DNAH9: variants seen among roughly 807,000 people sequenced by gnomAD.
DNAH9 encodes the protein dynein axonemal heavy chain 9.
DNAH9 carries 345 observed loss-of-function variants against 471.6 expected under a neutral mutation model. That is an observed-to-expected ratio of 0.73 (90% CI 0.67 to 0.80). The LOEUF is 0.80. DNAH9 is among the 30% of genes least tolerant of loss of function. The pLI is 0.00. For synonymous variants in DNAH9, 2,093 were observed against 2,123.6 expected (o/e 0.99, Z 0.40); for missense variants, 5,407 against 5,609.2 (o/e 0.96, Z 1.15).
intron 42 of DNAH9, among the ~76,000 whole-genome samples, chr17:11,794,167 C>A (rs1969163644): frequency 6.6e-6 from 1 of 151,560 alleles, no homozygotes; most frequent in African/African-American, 2.4e-5. Flanking sequence ...GCCTCAGCCT[C>A]CCGAGTAGCT....
rs188721046 is a variant in DNAH9 at position 11,796,757 on chromosome 17, A to C, written c.8224-840A>C. On this transcript the variant is annotated intron_variant, in intron 42 of 68. Coordinates refer to ENST00000262442, the MANE Select transcript of DNAH9 (RefSeq NM_001372.4). ...TCTTTCTCGGACTTTTCTCCTCGAC[A>C]ACCTTTCCTCTATCTCAAGTCTCAG... Among the ~76,000 whole-genome samples, 298 of 152,286 alleles carry C rather than the reference A, an allele frequency of 2.0e-3. 2 individuals are homozygous for C. Among genetic ancestry groups the C allele is most frequent in the African/African-American group, 6.8e-3 (282 of 41,556 alleles).
chr17:11,951,916 C>CCAT (rs1189673793), intron 67 of DNAH9, among the ~76,000 whole-genome samples: 4 of 146,082 alleles, frequency 2.7e-5, no homozygotes, highest in South Asian at 2.2e-4. Context: ...CAGCAAAACT[C>CCAT]CATCTCAAAA....
chr17:11,942,342 G>A lies in DNAH9; in HGVS notation c.12700G>A (p.Asp4234Asn). The A allele has an allele frequency of 1.2e-6, 2 of 1,614,210 alleles. No homozygotes were observed. The highest frequency in any genetic ancestry group is 1.7e-6 in the Non-Finnish European group (2 of 1,180,018). ...GGAAGAAATATTGGAGCGGGTGACA[G>A]ACGAGTTTAACATCCCAGAACTGAT... ...LLEEILERVT[D>N]EFNIPELMAK... The change falls in exon 67 of 69, where the codon GAC (aspartate) becomes AAC (asparagine). Residue 4234 changes from aspartate (D) to asparagine (N), a missense_variant. Asp to Asn is a conservative substitution (Grantham distance 23, BLOSUM62 1). Transcript: ENST00000262442.
At chr17:11,787,313 AAAACTCAGTGATT>A (rs1314687124) in intron 41 of DNAH9, among the ~76,000 whole-genome samples, 1 of 152,236 alleles carries the variant, frequency 6.6e-6, no homozygotes, top group Non-Finnish European at 1.5e-5. Flanking sequence ...GCAATTGGGC[AAAACTCAGTGATT>A]GGCACAAGAG....
intron 1 of DNAH9, 114 bp downstream of exon 1, chr17:11,599,029 C>A: frequency 4.4e-6 from 4 of 906,060 alleles, no homozygotes; most frequent in Non-Finnish European, 6.2e-6. Context: ...AGGGGAGGTC[C>A]AAGAGGCGGA....
intron 52 of DNAH9, 103 bp from the exon 53 acceptor site, chr17:11,874,846 T>A: frequency 1.2e-6 from 1 of 822,498 alleles, no homozygotes; most frequent in Non-Finnish European, 2.0e-6. Context: ...GATGTTGATC[T>A]TGCTTTTAAA....
At chr17:11,852,851 T>TATAA (rs1971476751) in intron 49 of DNAH9, among the ~76,000 whole-genome samples, 7 of 137,794 alleles carry the variant, frequency 5.1e-5, no homozygotes, top group Non-Finnish European at 9.3e-5. Flanking sequence ...TATATATATA[T>TATAA]ATATATATAT....
At chr17:11,684,829 C>A (rs2074209668) in intron 19 of DNAH9, among the ~76,000 whole-genome samples, 1 of 152,184 alleles carries the variant, frequency 6.6e-6, no homozygotes. Flanking sequence ...GAAAGAAGGG[C>A]TTTTGACCTT....
chr17:11,680,955 T>C, intron 19 of DNAH9, 66 bp downstream of exon 19: 1 of 1,412,318 alleles, frequency 7.1e-7, no homozygotes, highest in African/African-American at 1.4e-5. Context: ...TGGATAATCT[T>C]TTTGTGGGGC....
At chr17:11,704,612 T>C (rs2074667026) in intron 25 of DNAH9, among the ~76,000 whole-genome samples, 170 bp downstream of exon 25, 1 of 151,324 alleles carries the variant, frequency 6.6e-6, no homozygotes, top group South Asian at 2.1e-4. Flanking sequence ...AGATTGAGTT[T>C]CGCTCTTATT....
chr17:11,668,410 T>A (rs2150726211), intron 15 of DNAH9, among the ~76,000 whole-genome samples: 1 of 152,240 alleles, frequency 6.6e-6, no homozygotes, highest in African/African-American at 2.4e-5. Flanking sequence ...CTCATGCCTG[T>A]AATCTCAGCA....
In DNAH9 at chr17:11,652,991, G is replaced by A. The variant is rs191974505; in HGVS notation, c.2584G>A (p.Ala862Thr). Residue 862 changes from alanine to threonine, a missense_variant, in exon 14 of 69, where the codon GCC (alanine) becomes ACC (threonine). This residue lies in a region of DNAH9 where 4,636 missense variants were observed against 4,900.3 expected (regional missense o/e 0.95). Coordinates refer to ENST00000262442, the MANE Select transcript of DNAH9 (RefSeq NM_001372.4). ...CAAGGAATCTGGCCTTAAGATCCAC[G>A]CCCTTGTTCAGGTAATAACCCAGCC... ...LIKESGLKIHALVQENLGLFS... is the reference protein window; with the variant it reads ...LIKESGLKIHTLVQENLGLFS... 8.1e-6 allele frequency: 13 copies of A among 1,613,584 alleles called. No individual in the cohort carries two copies. Among genetic ancestry groups the A allele is most frequent in the South Asian group, 1.1e-5 (1 of 91,086 alleles).
At chr17:11,840,530 G>C (rs1970997597) in intron 49 of DNAH9, among the ~76,000 whole-genome samples, 1 of 152,154 alleles carries the variant, frequency 6.6e-6, no homozygotes, top group Admixed American at 6.5e-5. Context: ...TTGCTTGACA[G>C]AACAACATGG....
At chr17:11,858,116 T>C (rs1246731620) in intron 50 of DNAH9, among the ~76,000 whole-genome samples, 2 of 152,230 alleles carry the variant, frequency 1.3e-5, no homozygotes, top group African/African-American at 2.4e-5. Flanking sequence ...TTTTGTCTAA[T>C]CTACATTTTC....
chr17:11,745,529 C>T (rs545918549), intron 31 of DNAH9, among the ~76,000 whole-genome samples: 10 of 152,290 alleles, frequency 6.6e-5, no homozygotes, highest in South Asian at 4.1e-4. Context: ...CTTATTTAAC[C>T]TTGAGGCTTA....
At chr17:11,650,080 T>G (rs528941237) in intron 12 of DNAH9, among the ~76,000 whole-genome samples, 1 of 152,330 alleles carries the variant, frequency 6.6e-6, no homozygotes, top group Non-Finnish European at 1.5e-5. Flanking sequence ...TCTTTTCACT[T>G]TTTACAGTTA....
chr17:11,698,293 ATATAT>A lies in DNAH9; in HGVS notation c.4873-1435_4873-1431del, dbSNP rs1444005275. Among the ~76,000 whole-genome samples the A allele has an allele frequency of 5.2e-5, 7 of 135,104 alleles. No homozygotes were observed. The East Asian group carries it at 6.0e-4, about 12-fold the overall frequency. The allele number at this position is 135,104 out of a possible 152,430, so 88.6% of individuals were successfully genotyped here. A position where few individuals can be genotyped will look rare whatever the true frequency, so the allele number is the denominator to read the frequency against. ...TATAATATATTATATATTAATAATTATATATTAGATTAGATAGAAAATAATAATAT... is the reference window on the plus strand; with the variant it reads ...TATAATATATTATATATTAATAATTATAGATTAGATAGAAAATAATAATAT... On this transcript the variant is annotated intron_variant, in intron 22 of 68. Transcript: ENST00000262442.
chr17:11,635,813 A>G (rs976414756), intron 8 of DNAH9, among the ~76,000 whole-genome samples: 1 of 152,126 alleles, frequency 6.6e-6, no homozygotes, highest in Non-Finnish European at 1.5e-5. Flanking sequence ...ACAGGAACAC[A>G]TCTTCAGAGA....
At chr17:11,741,446 T>C (rs1013367868) in intron 29 of DNAH9, among the ~76,000 whole-genome samples, 1 of 151,982 alleles carries the variant, frequency 6.6e-6, no homozygotes, top group Non-Finnish European at 1.5e-5. Context: ...GCAATTATTT[T>C]TGCACCATCT....
Sources: allele counts gnomAD v4.1 joint callset (sites outside exome capture counted in the v4.1 genomes callset), GRCh38; gene constraint gnomAD v4.1.1; regional missense constraint gnomAD v4.1.1; transcripts MANE v1.5; gene names NCBI Gene and HGNC (gene_info 2026-07-23, HGNC 2026-07-21).